The following TMEM17 variants were observed in gnomAD, a reference collection of about 807,000 sequenced individuals.
TMEM17 encodes transmembrane protein 17.
In TMEM17, 15 loss-of-function variants were observed where a neutral mutation model predicts 19.1. The observed-to-expected ratio is 0.78, with a 90% CI of 0.52 to 1.21. The LOEUF is 1.21. Among genes scored for constraint, TMEM17 ranks in the 50% most tolerant of loss-of-function variants. The probability of loss-of-function intolerance (pLI) is 0.00; values close to 1 mark genes in which losing one functional copy is unlikely to be tolerated. For synonymous variants in TMEM17, 103 were observed against 86.9 expected, an observed-to-expected ratio of 1.19 and a Z score of -1.03; for missense variants, 245 against 242.3, an observed-to-expected ratio of 1.01 and a Z score of -0.07.
the TMEM17 span, among the ~76,000 whole-genome samples, chr2:62,492,668 T>A: frequency 1.5e-4 from 23 of 152,236 alleles, no homozygotes. Context: ...CATTACTAAG[T>A]GCATAAGCAC....
At chr2:62,488,792 C>CTT in the TMEM17 span, among the ~76,000 whole-genome samples, 4 of 119,022 alleles carry the variant, frequency 3.4e-5, no homozygotes, top group Non-Finnish European at 6.9e-5. Flanking sequence ...TTTTATTCTA[C>CTT]TTTTTTTTTT....
intron 1 of TMEM17, among the ~76,000 whole-genome samples, chr2:62,505,682 G>T (rs1421074273): frequency 6.6e-6 from 1 of 152,174 alleles, no homozygotes; most frequent in African/African-American, 2.4e-5. Context: ...GCGCGCGGGG[G>T]ACCAGCCTGT....
chr2:62,456,848 C>G, the TMEM17 span, among the ~76,000 whole-genome samples: 4 of 152,242 alleles, frequency 2.6e-5, no homozygotes, highest in East Asian at 7.7e-4. Flanking sequence ...CGTTTGATAG[C>G]ACGTGTGAGC....
chr2:62,468,144 A>T, the TMEM17 span, among the ~76,000 whole-genome samples: 6 of 151,902 alleles, frequency 3.9e-5, no homozygotes, highest in Non-Finnish European at 7.4e-5. Context: ...GCCCCTTTCC[A>T]CTTCACCCCT....
chr2:62,458,061 C>A, the TMEM17 span, among the ~76,000 whole-genome samples: 2 of 152,318 alleles, frequency 1.3e-5, no homozygotes, highest in South Asian at 4.1e-4. Context: ...GTTTCCTCCC[C>A]TTGTTAAATG....
the TMEM17 span, among the ~76,000 whole-genome samples, chr2:62,461,013 G>A: frequency 1.3e-5 from 2 of 152,178 alleles, no homozygotes; most frequent in Non-Finnish European, 2.9e-5. Flanking sequence ...CTTGAAAGAT[G>A]GGGATTTGGA....
chr2:62,505,518 G>C (rs1388086795), intron 1 of TMEM17, among the ~76,000 whole-genome samples: 2 of 133,612 alleles, frequency 1.5e-5, no homozygotes, highest in Admixed American at 1.8e-4. Flanking sequence ...GAACATACTT[G>C]TTCTGCTAGG....
the TMEM17 span, among the ~76,000 whole-genome samples, chr2:62,476,077 C>T: frequency 1.4e-5 from 2 of 140,498 alleles, no homozygotes; most frequent in South Asian, 2.1e-4. Context: ...CCACTGGGGG[C>T]GGTCAGCCCA....
At chr2:62,481,376 T>C in the TMEM17 span, among the ~76,000 whole-genome samples, 2 of 152,204 alleles carry the variant, frequency 1.3e-5, no homozygotes, top group African/African-American at 4.8e-5. Flanking sequence ...AAGATCACGT[T>C]GTCTGCAACT....
chr2:62,492,206 T>C, the TMEM17 span, among the ~76,000 whole-genome samples: 1 of 152,212 alleles, frequency 6.6e-6, no homozygotes, highest in African/African-American at 2.4e-5. Context: ...GCATGATCTT[T>C]GGAACCAGAC....
chr2:62,464,859 G>A, the TMEM17 span, among the ~76,000 whole-genome samples: 1 of 152,122 alleles, frequency 6.6e-6, no homozygotes, highest in Non-Finnish European at 1.5e-5. Context: ...GAGTGGGGTA[G>A]ATCAAGTGAG....
At chr2:62,501,919 C>G (rs928236272) in intron 3 of TMEM17, 2 of 168,810 alleles carry the variant, frequency 1.2e-5, no homozygotes, top group African/African-American at 4.8e-5. Flanking sequence ...ACAGCAAAAC[C>G]TACAGTAAGA....
rs1177854503 is a variant in TMEM17, at chr2:62,501,375, T to C, written c.431A>G (p.His144Arg). ...LTNLPLEKAI[H>R]IIFTLFLAFQ... is the part of the protein sequence containing the mutation. ...AGCAAGGAAGAGAGTGAAGATGATA[T>C]GTATCGCTTTTTCCAAGGGCAGATT... The change falls in exon 4 of 4, where the codon CAT becomes CGT. Residue 144 changes from histidine (H) to arginine (R), a missense_variant. His to Arg is a conservative substitution (Grantham distance 29, BLOSUM62 0). Coordinates refer to ENST00000335390, the MANE Select transcript of TMEM17 (RefSeq NM_198276.3). 3.1e-6 allele frequency: 5 copies of C among 1,614,100 alleles called. No individual in the cohort carries two copies. The South Asian group carries it at 3.3e-5, about 11-fold the overall frequency.
chr2:62,469,556 G>A, the TMEM17 span, among the ~76,000 whole-genome samples: 3 of 152,164 alleles, frequency 2.0e-5, no homozygotes, highest in African/African-American at 7.2e-5. Context: ...TCTTTCCAAG[G>A]AATTTTATTT....
chr2:62,468,202 C>T, the TMEM17 span, among the ~76,000 whole-genome samples: 2 of 152,146 alleles, frequency 1.3e-5, no homozygotes, highest in African/African-American at 4.8e-5. Flanking sequence ...TCTACAGAGG[C>T]AGCCAGCAGC....
the TMEM17 span, among the ~76,000 whole-genome samples, chr2:62,484,227 T>A: frequency 6.6e-6 from 1 of 152,260 alleles, no homozygotes. Context: ...CTTTCTGCAA[T>A]GGTGGGAACC....
At chr2:62,477,254 T>A in the TMEM17 span, among the ~76,000 whole-genome samples, 1 of 152,012 alleles carries the variant, frequency 6.6e-6, no homozygotes, top group Non-Finnish European at 1.5e-5. Flanking sequence ...AAAATTAGCC[T>A]GGCGTAGTGG....
the TMEM17 span, among the ~76,000 whole-genome samples, chr2:62,458,273 T>C: frequency 6.6e-6 from 1 of 152,248 alleles, no homozygotes; most frequent in South Asian, 2.1e-4. Flanking sequence ...GAGGCAAGCC[T>C]GCTCTTGATG....
chr2:62,490,386 C>T, the TMEM17 span, among the ~76,000 whole-genome samples: 1 of 152,220 alleles, frequency 6.6e-6, no homozygotes, highest in African/African-American at 2.4e-5. Context: ...ACCTAAACCT[C>T]CTGAATAGCT....
Sources: allele counts gnomAD v4.1 joint callset (sites outside exome capture counted in the v4.1 genomes callset), GRCh38; gene constraint gnomAD v4.1.1; transcripts MANE v1.5; gene names NCBI Gene and HGNC (gene_info 2026-07-23, HGNC 2026-07-21).